COL8A2: variants seen among roughly 807,000 people sequenced by gnomAD.
The protein encoded by COL8A2 is collagen alpha-2(VIII) chain.
In COL8A2, 16 loss-of-function variants were observed where a neutral mutation model predicts 24.0. The ratio of observed to expected loss-of-function variants is 0.67; its 90% confidence interval spans 0.45 to 1.01. The LOEUF is 1.01. Among genes scored for constraint, COL8A2 ranks in the 50% least tolerant of loss-of-function variants. COL8A2 has a pLI of 0.00. For missense variants in COL8A2, 818 were observed against 942.4 expected (o/e 0.87, Z 1.73); for synonymous variants, 466 against 424.5 (o/e 1.10, Z -1.20).
chr1:36,110,000 A>G (rs1325151894), intron 2 of COL8A2, among the ~76,000 whole-genome samples: 1 of 130,012 alleles, frequency 7.7e-6, no homozygotes, highest in African/African-American at 3.0e-5. Flanking sequence ...CGCGATCTCG[A>G]CTCACTGCAA....
At chr1:36,104,167 C>T (rs932955313) in intron 2 of COL8A2, among the ~76,000 whole-genome samples, 31 of 140,192 alleles carry the variant, frequency 2.2e-4, no homozygotes, top group African/African-American at 7.8e-4. Flanking sequence ...GTACTCCAAC[C>T]TGGGCAACAA....
intron 1 of COL8A2, among the ~76,000 whole-genome samples, chr1:36,122,839 T>G (rs960804784): frequency 1.3e-5 from 2 of 152,026 alleles, no homozygotes; most frequent in African/African-American, 4.8e-5. Flanking sequence ...CCCTTAGAAA[T>G]CTGACCTCAA....
chr1:36,119,629 G>T (rs1643896119), intron 1 of COL8A2, among the ~76,000 whole-genome samples: 1 of 152,218 alleles, frequency 6.6e-6, no homozygotes, highest in African/African-American at 2.4e-5. Context: ...CATGAGCAGA[G>T]CCGTGGTCGC....
chr1:36,120,349 A>AG (rs1360038544), intron 1 of COL8A2, among the ~76,000 whole-genome samples: 1 of 152,140 alleles, frequency 6.6e-6, no homozygotes, highest in East Asian at 1.9e-4. Context: ...GCTACTAGGG[A>AG]GGCTGAAGCA....
At chr1:36,102,467 A>AT (rs1643691131) in intron 2 of COL8A2, among the ~76,000 whole-genome samples, 1 of 151,626 alleles carries the variant, frequency 6.6e-6, no homozygotes, top group Admixed American at 6.6e-5. Context: ...TGCCTGGCTA[A>AT]TTTTTTCTAT....
chr1:36,097,935 G>A lies in COL8A2; in HGVS notation c.1746C>T (p.Thr582=), dbSNP rs149090218. 5,472 of 1,610,776 alleles carry A rather than the reference G, an allele frequency of 3.4e-3. 11 individuals are homozygous for A. The highest frequency in any genetic ancestry group is 3.8e-3 in the Non-Finnish European group (4,511 of 1,179,648). The change falls in exon 4 of 4, where the codon ACC becomes ACT. Residue 582 remains threonine, a synonymous_variant. Transcript: ENST00000397799. Reference sequence around the variant, plus strand: ...GCATGCCCGAGGCGGGGAAGGGCGAGGTGAGCACCGCAGTGAAGGCCGGTG... The same window carrying A: ...GCATGCCCGAGGCGGGGAAGGGCGAAGTGAGCACCGCAGTGAAGGCCGGTG... ...HATPAFTAVL[T]SPFPASGMPV...
chr1:36,100,310 C>T, intron 2 of COL8A2, 52 bp from the exon 3 acceptor site: 1 of 1,485,388 alleles, frequency 6.7e-7, no homozygotes, highest in African/African-American at 1.4e-5. Context: ...TGGTTTGGCA[C>T]TAGGCCCGGG....
chr1:36,110,348 A>G (rs981187029), intron 2 of COL8A2, among the ~76,000 whole-genome samples: 3 of 151,604 alleles, frequency 2.0e-5, no homozygotes, highest in Admixed American at 6.6e-5. Flanking sequence ...TGCTACCCTG[A>G]TGACCTGGAA....
intron 2 of COL8A2, among the ~76,000 whole-genome samples, chr1:36,112,460 C>T (rs1168981727): frequency 1.3e-5 from 2 of 152,090 alleles, no homozygotes; most frequent in Non-Finnish European, 2.9e-5. Context: ...CTGTACATGA[C>T]ATCTCTCTTC....
chr1:36,114,885 G>C (rs368326402), intron 2 of COL8A2, among the ~76,000 whole-genome samples: 6 of 29,978 alleles, frequency 2.0e-4, no homozygotes, highest in African/African-American at 6.4e-4. Context: ...GGCTTGGACC[G>C]AACTCCCTCC....
In COL8A2 at chr1:36,122,192, C is replaced by T. The variant is rs374510443; in HGVS notation, c.-62+2865G>A. 5.7e-4 allele frequency among the ~76,000 whole-genome samples: 87 copies of T among 152,286 alleles called. 1 individual carries two copies. In the East Asian group the frequency reaches 9.4e-3, roughly 17 times the overall value. ...TGTGTGACCTGGAACTACTCCTCAC[C>T]TCTCTGCAGGCAAAACAACTCTGGA... On this transcript the variant is annotated intron_variant, in intron 1 of 3. Transcript: ENST00000397799.
chr1:36,118,202 A>G (rs1643888673), intron 1 of COL8A2, among the ~76,000 whole-genome samples: 3 of 152,178 alleles, frequency 2.0e-5, no homozygotes, highest in African/African-American at 7.2e-5. Context: ...GGTCCCAGAG[A>G]GGTCACATCC....
intron 2 of COL8A2, among the ~76,000 whole-genome samples, chr1:36,114,224 A>C (rs1321317337): frequency 2.0e-5 from 3 of 150,612 alleles, no homozygotes; most frequent in South Asian, 2.1e-4. Flanking sequence ...GAGGCTGAGG[A>C]AGGAGAATGG....
rs748221793 is a variant in COL8A2 at position 36,100,263 on chromosome 1, AAAG to A, written c.-16-8_-16-6del. ...AGCATGGCGTCCGTGGACGTGCTGCAAAGAAGAACAGAGAAAGTCATCAAGCCA... is the reference window on the plus strand; with the variant it reads ...AGCATGGCGTCCGTGGACGTGCTGCAAAGAACAGAGAAAGTCATCAAGCCA... On this transcript the variant is annotated splice_region_variant and splice_polypyrimidine_tract_variant and intron_variant, in intron 2 of 3. Transcript: ENST00000397799. 23 of 1,541,650 alleles carry A rather than the reference AAAG, an allele frequency of 1.5e-5. No individual in the cohort carries two copies. The highest frequency in any genetic ancestry group is 4.1e-5 in the African/African-American group (3 of 73,110).
intron 2 of COL8A2, among the ~76,000 whole-genome samples, chr1:36,103,400 G>T (rs1316866880): frequency 6.6e-6 from 1 of 152,132 alleles, no homozygotes; most frequent in Non-Finnish European, 1.5e-5. Context: ...AGCTTCCCAA[G>T]TAGCTGGGAC....
In COL8A2 at chr1:36,099,028, G is replaced by A; in HGVS notation, c.653C>T (p.Ala218Val). 1.3e-6 allele frequency: 2 copies of A among 1,544,540 alleles called. No homozygotes were observed. The highest frequency in any genetic ancestry group is 1.7e-6 in the Non-Finnish European group (2 of 1,147,056). Reference sequence around the variant, plus strand: ...GCCGGGGGCACCCCCCTGCCCTGGGGCCCCAGGCAGCCCGGGCTGGCCCAC... The same window carrying A: ...GCCGGGGGCACCCCCCTGCCCTGGGACCCCAGGCAGCCCGGGCTGGCCCAC... The part of the protein sequence containing the change: ...NGVGQPGLPG[A>V]PGQGGAPGPP... Residue 218 changes from alanine (A) to valine (V), a missense_variant, in exon 4 of 4, where the codon GCC becomes GTC. Transcript: ENST00000397799.
chr1:36,118,512 G>A (rs567668585), intron 1 of COL8A2, among the ~76,000 whole-genome samples: 103 of 152,290 alleles, frequency 6.8e-4, no homozygotes, highest in African/African-American at 2.3e-3. Flanking sequence ...AAGCCAGGGC[G>A]GTGCCTGAGC....
In COL8A2 at chr1:36,099,468, C is replaced by T. The variant is rs774443963; in HGVS notation, c.213G>A (p.Leu71=). 4 of 1,541,008 alleles carry T rather than the reference C, an allele frequency of 2.6e-6. No individual in the cohort carries two copies. The South Asian group carries it at 4.7e-5, about 18-fold the overall frequency. ...GQYLEMPLPL[L]PMDLKGEPGP... Reference sequence around the variant, plus strand: ...CGGGCTCTCCCTTCAGGTCCATCGGCAGCAGCGGTAGAGGCATTTCTGAGA... The same window carrying T: ...CGGGCTCTCCCTTCAGGTCCATCGGTAGCAGCGGTAGAGGCATTTCTGAGA... Residue 71 remains leucine (L), a synonymous_variant, in exon 4 of 4, where the codon CTG becomes CTA. Transcript: ENST00000397799.
rs745640221 is a variant in COL8A2, at chr1:36,097,779, CCA to C, written c.1900_1901del (p.Trp634GlyfsTer16). 6.2e-7 allele frequency: 1 copy of C among 1,613,854 alleles called. No individual in the cohort carries two copies. ...GCACGTTGTTCTTGTACAGGGCCAC[CCA>C]CACGTTGGTGCCCTTGACGTGCACA... ...YHVHVKGTNV[W>X]VALYKNNVPA... On this transcript the variant is annotated frameshift_variant, in exon 4 of 4. Coordinates refer to ENST00000397799, the MANE Select transcript of COL8A2 (RefSeq NM_005202.4). LOFTEE classifies it high-confidence loss of function.
Sources: allele counts gnomAD v4.1 joint callset (sites outside exome capture counted in the v4.1 genomes callset), GRCh38; gene constraint gnomAD v4.1.1; transcripts MANE v1.5; gene names NCBI Gene and HGNC (gene_info 2026-07-23, HGNC 2026-07-21).